The following PREX1 variants were observed in gnomAD, a reference collection of about 807,000 sequenced individuals.
PREX1 encodes the protein phosphatidylinositol-3,4,5-trisphosphate dependent Rac exchange factor 1, also known as phosphatidylinositol 3,4,5-trisphosphate-dependent Rac exchanger 1 protein.
In PREX1, 41 loss-of-function variants were observed where a neutral mutation model predicts 198.3. The observed-to-expected ratio is 0.21, with a 90% CI of 0.16 to 0.27. The LOEUF (loss-of-function observed/expected upper bound fraction) is 0.27, where lower values mean the gene tolerates loss of function less well. PREX1 is among the 10% of genes least tolerant of loss of function. The probability of loss-of-function intolerance (pLI) is 1.00; values close to 1 mark genes in which losing one functional copy is unlikely to be tolerated. For missense variants in PREX1, 1,620 were observed against 2,200.7 expected, an observed-to-expected ratio of 0.74 and a Z score of 5.28; for synonymous variants, 843 against 887.2, an observed-to-expected ratio of 0.95 and a Z score of 0.89.
At chr20:48,834,249 G>A in the PREX1 span, among the ~76,000 whole-genome samples, 1 of 152,168 alleles carries the variant, frequency 6.6e-6, no homozygotes, top group East Asian at 1.9e-4. Context: ...GGTAAATTCT[G>A]CAATTTCGTC....
intron 32 of PREX1, among the ~76,000 whole-genome samples, chr20:48,635,238 G>C (rs2089353205): frequency 6.6e-6 from 1 of 151,996 alleles, no homozygotes; most frequent in Non-Finnish European, 1.5e-5. Flanking sequence ...GTCTGATGGG[G>C]TGACACTAAA....
At chr20:48,775,898 TG>T (rs2122899376) in intron 1 of PREX1, among the ~76,000 whole-genome samples, 1 of 152,218 alleles carries the variant, frequency 6.6e-6, no homozygotes, top group South Asian at 2.1e-4. Flanking sequence ...ATCAGCAGTA[TG>T]AAAATGGACT....
the PREX1 span, among the ~76,000 whole-genome samples, chr20:48,854,667 G>C: frequency 6.6e-6 from 1 of 152,148 alleles, no homozygotes; most frequent in Non-Finnish European, 1.5e-5. Flanking sequence ...CATTGATACT[G>C]GTATCACCAT....
the PREX1 span, among the ~76,000 whole-genome samples, chr20:48,873,877 A>G: frequency 6.6e-6 from 1 of 152,150 alleles, no homozygotes; most frequent in African/African-American, 2.4e-5. Flanking sequence ...TTACACACAG[A>G]GAAAGCTATT....
At chr20:48,690,879 G>A in intron 9 of PREX1, 68 bp downstream of exon 9, 1 of 1,601,176 alleles carries the variant, frequency 6.2e-7, no homozygotes, top group Non-Finnish European at 8.5e-7. Context: ...CCTAGACACA[G>A]CCCCCACTCA....
chr20:48,662,875 G>C (rs1253956055), intron 15 of PREX1, among the ~76,000 whole-genome samples: 3 of 152,352 alleles, frequency 2.0e-5, no homozygotes, highest in South Asian at 2.1e-4. Flanking sequence ...CCACCCAGCA[G>C]AATGTCCACA....
At chr20:48,856,317 T>G in the PREX1 span, among the ~76,000 whole-genome samples, 14 of 152,158 alleles carry the variant, frequency 9.2e-5, no homozygotes, top group African/African-American at 3.1e-4. Context: ...CTGCACAGGG[T>G]CCAGTAGGAG....
intron 16 of PREX1, among the ~76,000 whole-genome samples, chr20:48,658,487 G>A (rs779772111): frequency 6.6e-6 from 1 of 152,314 alleles, no homozygotes; most frequent in Admixed American, 6.5e-5. Flanking sequence ...GTTTAGGGAG[G>A]AGCGGTCCCA....
At chr20:48,798,002 G>C (rs1275767872) in intron 1 of PREX1, among the ~76,000 whole-genome samples, 1 of 152,194 alleles carries the variant, frequency 6.6e-6, no homozygotes, top group African/African-American at 2.4e-5. Context: ...TGCAATTCCA[G>C]GGACGACGCT....
In PREX1 at chr20:48,632,600, G is replaced by T. The variant is rs201401868; in HGVS notation, c.4307C>A (p.Ala1436Glu). 1.2e-6 allele frequency: 2 copies of T among 1,613,842 alleles called. No individual in the cohort carries two copies. Among genetic ancestry groups the T allele is most frequent in the African/African-American group, 2.7e-5 (2 of 74,910 alleles). Residue 1436 changes from alanine to glutamate, a missense_variant, in exon 34 of 40, where the codon GCG becomes GAG. This residue lies in a region of PREX1 where 476 missense variants were observed against 603.4 expected (regional missense o/e 0.79). Transcript: ENST00000371941. ...VFYHIEGSRQ[A>E]LKVIFYLDSY... is the part of the protein sequence containing the mutation. ...GTCGAGGTAGAAGATGACCTTCAGC[G>T]CCTGCCGGCTGCCCTCAATGTGGTA...
the PREX1 span, among the ~76,000 whole-genome samples, chr20:48,862,781 A>T: frequency 3.4e-5 from 2 of 58,170 alleles, no homozygotes; most frequent in Non-Finnish European, 7.5e-5. Context: ...AAAAAAGCCT[A>T]AAAAAAAAAA....
At chr20:48,675,010 AC>A (rs1307596149) in intron 14 of PREX1, among the ~76,000 whole-genome samples, 7 of 152,314 alleles carry the variant, frequency 4.6e-5, no homozygotes, top group African/African-American at 1.7e-4. Flanking sequence ...TGTGGAAGCA[AC>A]CCCTGGGTCT....
chr20:48,869,222 T>C, the PREX1 span, among the ~76,000 whole-genome samples: 12 of 152,328 alleles, frequency 7.9e-5, no homozygotes, highest in African/African-American at 2.6e-4. Flanking sequence ...CTCATTATTT[T>C]TACAGTTGCA....
chr20:48,753,274 T>C (rs1480577113), intron 1 of PREX1, among the ~76,000 whole-genome samples: 7 of 152,154 alleles, frequency 4.6e-5, no homozygotes, highest in Admixed American at 3.9e-4. Context: ...TATGAGACAC[T>C]GGTCTGAGGT....
intron 1 of PREX1, among the ~76,000 whole-genome samples, chr20:48,825,255 G>C (rs1401920268): frequency 6.6e-6 from 1 of 152,304 alleles, no homozygotes; most frequent in East Asian, 1.9e-4. Flanking sequence ...CAATCCGTCT[G>C]TTTCTGGCAC....
At chr20:48,652,013 C>A (rs911822283) in intron 21 of PREX1, among the ~76,000 whole-genome samples, 1 of 152,158 alleles carries the variant, frequency 6.6e-6, no homozygotes, top group Non-Finnish European at 1.5e-5. Flanking sequence ...CCTGTGGACA[C>A]CATGATTTCA....
chr20:48,765,519 A>G (rs2426090), intron 1 of PREX1, among the ~76,000 whole-genome samples: 51,565 of 152,086 alleles, frequency 0.34, 10,044 homozygotes, highest in Non-Finnish European at 0.43. Context: ...GCTGCAACAC[A>G]TATTAAGTGC....
At chr20:48,657,434 T>C (rs2089553753) in intron 17 of PREX1, among the ~76,000 whole-genome samples, 1 of 152,206 alleles carries the variant, frequency 6.6e-6, no homozygotes, top group Non-Finnish European at 1.5e-5. Context: ...GGGGAAACTC[T>C]GCTGGGGCCT....
At chr20:48,730,417 AC>A (rs2090029688) in intron 4 of PREX1, among the ~76,000 whole-genome samples, 1 of 122,706 alleles carries the variant, frequency 8.1e-6, no homozygotes, top group African/African-American at 3.1e-5. Context: ...AAGCCACCAC[AC>A]ACACACACAC....
Sources: allele counts gnomAD v4.1 joint callset (sites outside exome capture counted in the v4.1 genomes callset), GRCh38; gene constraint gnomAD v4.1.1; regional missense constraint gnomAD v4.1.1; transcripts MANE v1.5; gene names NCBI Gene and HGNC (gene_info 2026-07-23, HGNC 2026-07-21).